PCDHGA4: variants seen among roughly 807,000 people sequenced by gnomAD.
The protein encoded by PCDHGA4 is protocadherin gamma-A4.
A neutral mutation model predicts 54.6 loss-of-function variants in PCDHGA4; 38 were observed. The observed-to-expected ratio is 0.70, with a 90% CI of 0.54 to 0.91. The LOEUF (loss-of-function observed/expected upper bound fraction) is 0.91, where lower values mean the gene tolerates loss of function less well. Among genes scored for constraint, PCDHGA4 ranks in the 40% least tolerant of loss-of-function variants. The pLI is 0.00. For missense variants in PCDHGA4, 1,298 were observed against 1,220.9 expected (o/e 1.06, Z -0.94); for synonymous variants, 511 against 512.9 (o/e 1.00, Z 0.05).
rs2097419057 is a variant in PCDHGA4 at position 141,431,807 on chromosome 5, A to G, written c.2515-63000A>G. 4 of 1,614,050 alleles carry G rather than the reference A, an allele frequency of 2.5e-6. No individual in the cohort carries two copies. Among genetic ancestry groups the G allele is most frequent in the Non-Finnish European group, 2.5e-6 (3 of 1,180,038 alleles). On this transcript the variant is annotated intron_variant, in intron 1 of 3. Coordinates refer to ENST00000571252, the MANE Select transcript of PCDHGA4 (RefSeq NM_018917.4). This position sits in a 1 kb window ranked among gnomAD's most constrained non-coding sequence, Gnocchi z 4.8. ...CGACAATGCCCCAGAAGTGGTCCTC[A>G]CCTCTCTCGCCAGCTCGGTTCCCGA... is the stretch of plus-strand genomic sequence containing the variant.
intron 1 of PCDHGA4, among the ~76,000 whole-genome samples, chr5:141,373,223 T>C (rs1769412774): frequency 6.6e-6 from 1 of 152,256 alleles, no homozygotes; most frequent in Admixed American, 6.5e-5. Context: ...ATGTAACCTG[T>C]ATATAATATT....
chr5:141,364,808 G>A (rs1235589231), intron 1 of PCDHGA4: 2 of 1,614,026 alleles, frequency 1.2e-6, no homozygotes, highest in East Asian at 2.2e-5. Context: ...CGCGCGGGAT[G>A]CGGATGTGGG....
intron 1 of PCDHGA4, among the ~76,000 whole-genome samples, chr5:141,480,386 A>G (rs966068994): frequency 6.6e-6 from 1 of 151,826 alleles, no homozygotes; most frequent in Non-Finnish European, 1.5e-5. Context: ...CTACACTTCA[A>G]CCATGGCAAT....
rs764313049 is a variant in PCDHGA4, at chr5:141,418,041, T to G, written c.2514+60420T>G. 36 of 1,613,976 alleles carry G rather than the reference T, an allele frequency of 2.2e-5. No homozygotes were observed. In the Admixed American group the frequency reaches 2.3e-4, roughly 10 times the overall value. On this transcript the variant is annotated intron_variant, in intron 1 of 3. Coordinates refer to ENST00000571252, the MANE Select transcript of PCDHGA4 (RefSeq NM_018917.4). Reference sequence around the variant, plus strand: ...GATCTAGGGCTTAGTGTCCTGGATGTGTCGGCTCGCGAGCTGCGAGTGAGC... The same window carrying G: ...GATCTAGGGCTTAGTGTCCTGGATGGGTCGGCTCGCGAGCTGCGAGTGAGC...
chr5:141,450,491 G>C (rs1264524088), intron 1 of PCDHGA4, among the ~76,000 whole-genome samples: 1 of 151,896 alleles, frequency 6.6e-6, no homozygotes, highest in Non-Finnish European at 1.5e-5. Context: ...TTGTTTGTCT[G>C]TTTGTTTGTT....
chr5:141,410,091 G>C (rs778509378), intron 1 of PCDHGA4: 8 of 1,612,400 alleles, frequency 5.0e-6, no homozygotes, highest in South Asian at 1.1e-5. Context: ...CGCACGGCTC[G>C]AGCCTTAGGC....
chr5:141,372,757 T>G, intron 1 of PCDHGA4: 1 of 1,613,122 alleles, frequency 6.2e-7, no homozygotes, highest in Non-Finnish European at 8.5e-7. Context: ...GCCTCTTGGT[T>G]TGAAAGTAAT....
intron 1 of PCDHGA4, among the ~76,000 whole-genome samples, chr5:141,459,494 G>C (rs1454297107): frequency 2.0e-5 from 3 of 152,200 alleles, no homozygotes; most frequent in African/African-American, 7.2e-5. Context: ...CTGAATTAAA[G>C]TGATGTGAAC....
chr5:141,365,280 TG>T, intron 1 of PCDHGA4: 2 of 1,614,018 alleles, frequency 1.2e-6, no homozygotes. Flanking sequence ...TTCTACCTCA[TG>T]GAAGTGGTAG....
At chr5:141,404,150 G>T in intron 1 of PCDHGA4, 1 of 1,612,828 alleles carries the variant, frequency 6.2e-7, no homozygotes, top group South Asian at 1.1e-5. Flanking sequence ...TTCAGAAGAA[G>T]ATTATTACAG....
chr5:141,399,908 C>G (rs141997055), intron 1 of PCDHGA4: 2 of 1,612,300 alleles, frequency 1.2e-6, no homozygotes, highest in African/African-American at 1.3e-5. Context: ...GACGCAGACT[C>G]AGGACACAAC....
At chr5:141,450,869 G>A (rs1435272731) in intron 1 of PCDHGA4, among the ~76,000 whole-genome samples, 1 of 147,142 alleles carries the variant, frequency 6.8e-6, no homozygotes, top group Admixed American at 6.9e-5. Context: ...CTGTCACCCA[G>A]GCTGGTGTGC....
chr5:141,376,646 G>A (rs1394499987), intron 1 of PCDHGA4: 17 of 1,002,858 alleles, frequency 1.7e-5, no homozygotes, highest in Non-Finnish European at 2.3e-5. Flanking sequence ...TTTGTAAAGT[G>A]GAAGACTCCC....
chr5:141,492,359 C>A (rs1292383129), intron 1 of PCDHGA4, among the ~76,000 whole-genome samples: 3 of 152,336 alleles, frequency 2.0e-5, no homozygotes, highest in African/African-American at 7.2e-5. Flanking sequence ...GCCACTCGCT[C>A]GCGGCCAGAT....
Position 141,489,087 on chromosome 5 carries a change from T to TCAAA in PCDHGA4, c.2515-5720_2515-5719insCAAA. 4.6e-6 allele frequency: 1 copy of TCAAA among 216,106 alleles called. No individual in the cohort carries two copies. The highest frequency in any genetic ancestry group is 8.4e-6 in the Non-Finnish European group (1 of 118,736). The allele number at this position is 216,106 out of a possible 1,614,324, so 13.4% of individuals were successfully genotyped here. On this transcript the variant is annotated intron_variant, in intron 1 of 3. Coordinates refer to ENST00000571252, the MANE Select transcript of PCDHGA4 (RefSeq NM_018917.4). This position sits in a 1 kb window ranked among gnomAD's most constrained non-coding sequence, Gnocchi z 4.5. The stretch of plus-strand genomic sequence containing the variant: ...CCCCCTGCCCACCCCCGCCACTCGG[T>TCAAA]GACTAAGAACTGCTGCAAGCAGGCA...
intron 1 of PCDHGA4, chr5:141,377,873 T>C (rs1304157749): frequency 6.6e-6 from 1 of 152,196 alleles, no homozygotes; most frequent in Admixed American, 6.5e-5. Context: ...AGACTTCTCT[T>C]ATCAGAGATA....
At chr5:141,388,860 A>T (rs781769294) in intron 1 of PCDHGA4, 2 of 1,613,902 alleles carry the variant, frequency 1.2e-6, no homozygotes, top group South Asian at 2.2e-5. Flanking sequence ...TGGAGGAATG[A>T]TTGCGCAATG....
Position 141,431,547 on chromosome 5 carries a change from T to C in PCDHGA4, c.2515-63260T>C. On this transcript the variant is annotated intron_variant, in intron 1 of 3. Transcript: ENST00000571252. The surrounding 1 kb of genome is among the most constrained non-coding windows in gnomAD (Gnocchi z 4.8). ...CTGGCCTTGGGCACGCAGCTGCTTG[T>C]AGTCAACGCTACCGACCCTGACGAA... The C allele has an allele frequency of 1.2e-6, 2 of 1,614,096 alleles. No homozygotes were observed. The highest frequency in any genetic ancestry group is 2.2e-5 in the East Asian group (1 of 44,882).
At chr5:141,467,596 C>G (rs2099147035) in intron 1 of PCDHGA4, among the ~76,000 whole-genome samples, 1 of 152,202 alleles carries the variant, frequency 6.6e-6, no homozygotes, top group South Asian at 2.1e-4. Context: ...ATTTATTAAG[C>G]ACTTCATCTT....
Sources: allele counts gnomAD v4.1 joint callset (sites outside exome capture counted in the v4.1 genomes callset), GRCh38; gene constraint gnomAD v4.1.1; non-coding constraint Gnocchi (gnomAD v3.1); transcripts MANE v1.5; gene names NCBI Gene and HGNC (gene_info 2026-07-23, HGNC 2026-07-21).